IL34: variants seen among roughly 807,000 people sequenced by gnomAD.
The protein encoded by IL34 is interleukin-34.
IL34 carries 17 observed loss-of-function variants against 25.3 expected under a neutral mutation model. The observed-to-expected ratio is 0.67, with a 90% CI of 0.46 to 1.01. The LOEUF is 1.01. Ranked by LOEUF, IL34 falls within the 50% of genes least tolerant of loss-of-function variation. The pLI is 0.00. For missense variants in IL34, 368 were observed against 312.9 expected (o/e 1.18, Z -1.33); for synonymous variants, 174 against 140.9 (o/e 1.23, Z -1.66).
chr16:70,583,137 G>C (rs567146686), intron 1 of IL34, among the ~76,000 whole-genome samples: 1 of 152,054 alleles, frequency 6.6e-6, no homozygotes, highest in Admixed American at 6.6e-5. Context: ...TTTTGAGACG[G>C]AGTCTTGCTC....
At chr16:70,612,336 T>TGGGGGC (rs71151196) in intron 1 of IL34, among the ~76,000 whole-genome samples, 1 of 151,344 alleles carries the variant, frequency 6.6e-6, no homozygotes, top group Non-Finnish European at 1.5e-5. Context: ...GGCTGGGGGC[T>TGGGGGC]AGGGGGATCT....
At chr16:70,596,545 G>A (rs1319987314) in intron 1 of IL34, among the ~76,000 whole-genome samples, 117 of 152,254 alleles carry the variant, frequency 7.7e-4, no homozygotes, top group Admixed American at 7.5e-3. Context: ...TCCACATGGC[G>A]TTGGGCACAC....
At chr16:70,650,308 C>T (rs1446188634) in intron 1 of IL34, among the ~76,000 whole-genome samples, 1 of 152,298 alleles carries the variant, frequency 6.6e-6, no homozygotes, top group Admixed American at 6.5e-5. Context: ...GAAACTTGCC[C>T]TTAGCAATGA....
intron 1 of IL34, among the ~76,000 whole-genome samples, chr16:70,602,956 A>G (rs2124833): frequency 0.062 from 9,498 of 152,038 alleles, 702 homozygotes; most frequent in East Asian, 0.2. Context: ...ACGGCCCCCA[A>G]ACATCCCTGA....
chr16:70,605,451 G>A (rs771662471), intron 1 of IL34, among the ~76,000 whole-genome samples: 5 of 151,936 alleles, frequency 3.3e-5, no homozygotes, highest in African/African-American at 4.8e-5. Context: ...AATCATCATC[G>A]CTATCCAGTT....
intron 1 of IL34, among the ~76,000 whole-genome samples, chr16:70,601,633 C>G (rs2151818202): frequency 6.6e-6 from 1 of 152,320 alleles, no homozygotes; most frequent in East Asian, 1.9e-4. Context: ...CTCCTGACCT[C>G]AAGTGATTTG....
chr16:70,619,931 GCT>G (rs1158947070), intron 1 of IL34, among the ~76,000 whole-genome samples: 1 of 152,210 alleles, frequency 6.6e-6, no homozygotes, highest in Non-Finnish European at 1.5e-5. Flanking sequence ...CATGTAGCAA[GCT>G]CCTGTGGGAG....
chr16:70,583,007 G>C (rs2050651630), intron 1 of IL34, among the ~76,000 whole-genome samples: 1 of 152,222 alleles, frequency 6.6e-6, no homozygotes, highest in Admixed American at 6.5e-5. Flanking sequence ...GGGAGCGGCG[G>C]AGTGGGAGAT....
Position 70,646,980 on chromosome 16 carries a change from G to T in IL34, c.28+5G>T. On this transcript the variant is annotated splice_donor_5th_base_variant and intron_variant, in intron 1 of 5. Coordinates refer to ENST00000288098, the MANE Select transcript of IL34 (RefSeq NM_001393494.1). The stretch of plus-strand genomic sequence containing the variant: ...GGGGCTTCACCTGGCTGCGCTGTGA[G>T]TACTGGGGGGTCCCTAGGGACCTGC... 1.4e-6 allele frequency: 2 copies of T among 1,456,086 alleles called. No individual in the cohort carries two copies. Among genetic ancestry groups the T allele is most frequent in the Non-Finnish European group, 1.8e-6 (2 of 1,112,860 alleles). 90.2% of individuals were successfully genotyped at this position (1,456,086 alleles called of 1,614,324 possible). A position where few individuals can be genotyped will look rare whatever the true frequency, so the allele number is the denominator to read the frequency against.
intron 1 of IL34, among the ~76,000 whole-genome samples, chr16:70,632,127 T>G (rs1357582889): frequency 6.7e-6 from 1 of 148,858 alleles, no homozygotes. Flanking sequence ...AAAGAGAAGA[T>G]AATAGTTCCC....
chr16:70,587,244 G>A (rs2050705298), intron 1 of IL34, among the ~76,000 whole-genome samples: 1 of 152,022 alleles, frequency 6.6e-6, no homozygotes, highest in Admixed American at 6.6e-5. Flanking sequence ...GCTGCTGAGA[G>A]CACCACACAG....
At chr16:70,655,929 A>T (rs536465748) in intron 2 of IL34, among the ~76,000 whole-genome samples, 1 of 152,350 alleles carries the variant, frequency 6.6e-6, no homozygotes, top group South Asian at 2.1e-4. Context: ...ATTTATATAT[A>T]AAAGACATAA....
At chr16:70,629,536 C>G (rs2051470560) in intron 1 of IL34, among the ~76,000 whole-genome samples, 1 of 152,108 alleles carries the variant, frequency 6.6e-6, no homozygotes, top group Non-Finnish European at 1.5e-5. Context: ...CCTACTTACA[C>G]CCTCCTGTGT....
intron 1 of IL34, among the ~76,000 whole-genome samples, chr16:70,619,414 TTTAG>T (rs1201296536): frequency 2.6e-5 from 4 of 152,108 alleles, no homozygotes; most frequent in African/African-American, 9.7e-5. Context: ...AAGCAGATAA[TTTAG>T]TTAGAGTATC....
intron 2 of IL34, 76 bp from the exon 3 acceptor site, chr16:70,656,526 A>G (rs1276701059): frequency 1.3e-5 from 11 of 844,698 alleles, no homozygotes; most frequent in Non-Finnish European, 2.3e-5. Context: ...GTTAAAAAAA[A>G]CATCATTTGG....
intron 1 of IL34, among the ~76,000 whole-genome samples, chr16:70,592,610 T>TG (rs1465947976): frequency 1.3e-5 from 2 of 152,212 alleles, no homozygotes; most frequent in African/African-American, 2.4e-5. Context: ...AAAAAATCAG[T>TG]AGACTTTTAC....
intron 1 of IL34, among the ~76,000 whole-genome samples, chr16:70,621,893 G>A (rs2151838495): frequency 6.6e-6 from 1 of 152,024 alleles, no homozygotes; most frequent in African/African-American, 2.4e-5. Flanking sequence ...CATCAGTTAA[G>A]GCAAGGACCG....
chr16:70,605,783 G>C (rs1167015673), intron 1 of IL34, among the ~76,000 whole-genome samples: 1 of 151,728 alleles, frequency 6.6e-6, no homozygotes, highest in Non-Finnish European at 1.5e-5. Context: ...CGATTTTCCT[G>C]CCTCAGCCTC....
intron 1 of IL34, among the ~76,000 whole-genome samples, chr16:70,616,165 C>T (rs2051169791): frequency 6.6e-6 from 1 of 152,188 alleles, no homozygotes; most frequent in African/African-American, 2.4e-5. Context: ...AAATCTCATA[C>T]ACGTGGCCTG....
Sources: gnomAD v4.1 joint callset for allele counts (sites outside exome capture counted in the v4.1 genomes callset) on GRCh38, gnomAD v4.1.1 for gene constraint, MANE v1.5 for transcripts, NCBI Gene and HGNC (gene_info 2026-07-23, HGNC 2026-07-21) for gene names.